Variants in GFRA1 observed in about 807,000 individuals in gnomAD.
GFRA1 encodes GDNF family receptor alpha-1.
GFRA1 carries 16 observed loss-of-function variants against 51.6 expected under a neutral mutation model. The ratio of observed to expected loss-of-function variants is 0.31; its 90% CI spans 0.21 to 0.47. The LOEUF (loss-of-function observed/expected upper bound fraction) is 0.47. Among genes scored for constraint, GFRA1 ranks in the 20% least tolerant of loss-of-function variants. GFRA1 has a pLI of 1.00. For synonymous variants in GFRA1, 270 were observed against 241.3 expected (o/e 1.12, Z -1.10); for missense variants, 530 against 594.3 (o/e 0.89, Z 1.13).
intron 9 of GFRA1, among the ~76,000 whole-genome samples, chr10:116,078,680 T>G (rs116077220): frequency 2.6e-5 from 4 of 151,896 alleles, no homozygotes; most frequent in South Asian, 2.1e-4. Flanking sequence ...AGGTTAGATA[T>G]AGCCAAGGTT....
At chr10:116,238,664 G>A (rs1387634541) in intron 4 of GFRA1, among the ~76,000 whole-genome samples, 3 of 152,116 alleles carry the variant, frequency 2.0e-5, no homozygotes, top group Non-Finnish European at 2.9e-5. Flanking sequence ...CTCAATGAAG[G>A]AATAATGTCC....
chr10:116,211,977 A>T (rs1965227676), intron 4 of GFRA1, among the ~76,000 whole-genome samples: 1 of 152,194 alleles, frequency 6.6e-6, no homozygotes, highest in African/African-American at 2.4e-5. Context: ...GTAAACATAG[A>T]AAAATCAGCA....
chr10:116,091,306 A>G (rs1187642002), intron 8 of GFRA1, among the ~76,000 whole-genome samples: 1 of 152,222 alleles, frequency 6.6e-6, no homozygotes, highest in African/African-American at 2.4e-5. Flanking sequence ...CAACATCAAC[A>G]AAAGATAAAA....
chr10:116,230,587 G>A (rs564351344), intron 4 of GFRA1, among the ~76,000 whole-genome samples: 1 of 151,910 alleles, frequency 6.6e-6, no homozygotes, highest in Non-Finnish European at 1.5e-5. Flanking sequence ...GTAGGGAAGA[G>A]TTCTCAATGA....
intron 4 of GFRA1, among the ~76,000 whole-genome samples, chr10:116,259,409 A>G (rs924889285): frequency 2.0e-5 from 3 of 151,996 alleles, no homozygotes; most frequent in African/African-American, 7.3e-5. Flanking sequence ...TCCACTTTAG[A>G]AGCCTTCCAT....
intron 5 of GFRA1, among the ~76,000 whole-genome samples, chr10:116,180,477 T>C (rs1305735155): frequency 6.6e-6 from 1 of 152,184 alleles, no homozygotes; most frequent in Non-Finnish European, 1.5e-5. Context: ...AGTTACTAAA[T>C]AAAAAGGATG....
At chr10:116,108,856 G>A (rs751715850) in intron 6 of GFRA1, among the ~76,000 whole-genome samples, 3 of 152,200 alleles carry the variant, frequency 2.0e-5, no homozygotes, top group Non-Finnish European at 4.4e-5. Context: ...ATTATGCCTT[G>A]CACAGAGCAG....
intron 5 of GFRA1, among the ~76,000 whole-genome samples, chr10:116,171,265 C>T (rs1589842333): frequency 6.6e-6 from 1 of 152,212 alleles, no homozygotes; most frequent in East Asian, 1.9e-4. Flanking sequence ...GACGTAGGTA[C>T]ATGAGATCAG....
rs1954736203 is a variant in GFRA1 at position 116,060,160 on chromosome 10, A to G, written c.*4238T>C. The G allele has an allele frequency of 6.6e-6, 1 of 152,188 alleles. No individual in the cohort carries two copies. Among genetic ancestry groups the G allele is most frequent in the South Asian group, 2.1e-4 (1 of 4,826 alleles). The allele number at this position is 152,188 out of a possible 1,614,324, so 9.4% of individuals were successfully genotyped here. A position where few individuals can be genotyped will look rare whatever the true frequency, so the allele number is the denominator to read the frequency against. ...TCTTTTTCAGAGGTCCAGCCCCCAC[A>G]AAGAATTCTAGACAACAGACTTAAA... On this transcript the variant is annotated 3_prime_UTR_variant, in exon 11 of 11. Transcript: ENST00000355422.
intron 4 of GFRA1, among the ~76,000 whole-genome samples, chr10:116,222,820 C>T (rs1434204042): frequency 1.3e-5 from 2 of 151,996 alleles, no homozygotes; most frequent in Non-Finnish European, 2.9e-5. Context: ...AGTTTTGCAT[C>T]CACAGATTCA....
At chr10:116,149,188 A>G (rs1958960130) in intron 5 of GFRA1, among the ~76,000 whole-genome samples, 1 of 152,220 alleles carries the variant, frequency 6.6e-6, no homozygotes, top group Non-Finnish European at 1.5e-5. Context: ...GAGAATACTT[A>G]GGGTATAACA....
At chr10:116,155,117 C>G (rs1589830063) in intron 5 of GFRA1, among the ~76,000 whole-genome samples, 1 of 152,116 alleles carries the variant, frequency 6.6e-6, no homozygotes, top group Admixed American at 6.5e-5. Flanking sequence ...TCTAATGTGT[C>G]AAGAACTTTA....
intron 4 of GFRA1, among the ~76,000 whole-genome samples, chr10:116,241,955 G>C (rs1433338126): frequency 3.3e-5 from 5 of 151,978 alleles, no homozygotes; most frequent in African/African-American, 1.2e-4. Flanking sequence ...ATTTCCAAAA[G>C]GCAGCTATTA....
chr10:116,196,192 T>TA (rs5788141), intron 5 of GFRA1, among the ~76,000 whole-genome samples: 54,554 of 143,786 alleles, frequency 0.38, 10,091 homozygotes, highest in East Asian at 0.49. Context: ...TTTGATGTCT[T>TA]AAAAAAAAAA....
chr10:116,238,468 G>A (rs1250176774), intron 4 of GFRA1, among the ~76,000 whole-genome samples: 1 of 152,178 alleles, frequency 6.6e-6, no homozygotes, highest in Non-Finnish European at 1.5e-5. Context: ...ATTTACACAT[G>A]CAATATACAC....
In GFRA1 at chr10:116,272,018, C is replaced by G. The variant is rs769327304; in HGVS notation, c.12G>C (p.Ala4=). MFL[A]TLYFALPLLD... The stretch of plus-strand genomic sequence containing the variant: ...AGAGCGGCAGCGCGAAGTACAGGGT[C>G]GCCAGGAACATGGTGCCGGCGCGGG... The change falls in exon 2 of 11, where the codon GCG becomes GCC. Residue 4 remains alanine (A), a synonymous_variant. Coordinates refer to ENST00000355422, the MANE Select transcript of GFRA1 (RefSeq NM_005264.8). This position sits in a 1 kb window ranked among gnomAD's most constrained non-coding sequence, Gnocchi z 4.4. 4 of 1,557,966 alleles carry G rather than the reference C, an allele frequency of 2.6e-6. No homozygotes were observed. Among genetic ancestry groups the G allele is most frequent in the Non-Finnish European group, 1.7e-6 (2 of 1,151,768 alleles).
intron 4 of GFRA1, among the ~76,000 whole-genome samples, chr10:116,247,127 C>T (rs145421489): frequency 7.4e-4 from 113 of 152,192 alleles, no homozygotes; most frequent in Middle Eastern, 3.4e-3. Flanking sequence ...TTCTTGTCCC[C>T]GACCCCTGCC....
chr10:116,104,974 A>G (rs1956953417), intron 6 of GFRA1, among the ~76,000 whole-genome samples: 1 of 152,216 alleles, frequency 6.6e-6, no homozygotes, highest in Admixed American at 6.5e-5. Flanking sequence ...CTAAGTAGTA[A>G]TGGGAGCACA....
chr10:116,155,724 G>A (rs1344242735), intron 5 of GFRA1, among the ~76,000 whole-genome samples: 1 of 152,184 alleles, frequency 6.6e-6, no homozygotes, highest in African/African-American at 2.4e-5. Flanking sequence ...ATGAAAAATG[G>A]AAGGTTTGGC....
Sources: allele counts gnomAD v4.1 joint callset (sites outside exome capture counted in the v4.1 genomes callset), GRCh38; gene constraint gnomAD v4.1.1; non-coding constraint Gnocchi (gnomAD v3.1); transcripts MANE v1.5; gene names NCBI Gene and HGNC (gene_info 2026-07-23, HGNC 2026-07-21).